Variants in SPECC1 observed in about 807,000 individuals in gnomAD.
SPECC1 encodes the protein cytospin-B.
Under a neutral mutation model 104.1 loss-of-function variants are expected in SPECC1, and 62 were observed. The observed-to-expected ratio is 0.60, with a 90% CI of 0.49 to 0.74. SPECC1 has a LOEUF of 0.74. SPECC1 is among the 30% of genes least tolerant of loss of function. The pLI is 0.00. For missense variants in SPECC1, 1,306 were observed against 1,310.5 expected (o/e 1.00, Z 0.05); for synonymous variants, 513 against 501.6 (o/e 1.02, Z -0.30).
intron 12 of SPECC1, among the ~76,000 whole-genome samples, chr17:20,289,336 C>G (rs973034437): frequency 6.6e-6 from 1 of 152,070 alleles, no homozygotes; most frequent in African/African-American, 2.4e-5. Flanking sequence ...GAGTCTTGCT[C>G]TGATGTCCAG....
At chr17:20,043,609 A>G (rs1348491693) in intron 1 of SPECC1, among the ~76,000 whole-genome samples, 1 of 152,150 alleles carries the variant, frequency 6.6e-6, no homozygotes, top group Non-Finnish European at 1.5e-5. Flanking sequence ...TCTTAGGTCC[A>G]TTTAACATGA....
rs145933122 is a variant in SPECC1 at position 20,110,546 on chromosome 17, C to T, written c.267C>T (p.Arg89=). The change falls in exon 3 of 15, where the codon CGC becomes CGT. Residue 89 remains arginine, a synonymous_variant. Coordinates refer to ENST00000395527, the MANE Select transcript of SPECC1 (RefSeq NM_001243439.2). ...AGAISELTES[R]LRSGTGAFTT... is the part of the protein sequence containing the mutation. Reference sequence around the variant, plus strand: ...CCATCTCGGAGCTCACGGAGAGCCGCCTGAGGAGCGGCACAGGTAGGAGGG... The same window carrying T: ...CCATCTCGGAGCTCACGGAGAGCCGTCTGAGGAGCGGCACAGGTAGGAGGG... The T allele has an allele frequency of 3.0e-5, 48 of 1,613,372 alleles. No homozygotes were observed. The African/African-American group carries it at 6.0e-4, about 20-fold the overall frequency.
chr17:20,114,021 T>C (rs1167299037), intron 3 of SPECC1, among the ~76,000 whole-genome samples: 1 of 152,170 alleles, frequency 6.6e-6, no homozygotes, highest in African/African-American at 2.4e-5. Flanking sequence ...TGTAATATAA[T>C]TGCTGCTAGA....
At chr17:20,173,127 G>T (rs1316459204) in intron 3 of SPECC1, among the ~76,000 whole-genome samples, 1 of 152,156 alleles carries the variant, frequency 6.6e-6, no homozygotes, top group Non-Finnish European at 1.5e-5. Flanking sequence ...CTAATTGTGG[G>T]CCAGAAAGGA....
intron 1 of SPECC1, among the ~76,000 whole-genome samples, chr17:20,071,460 A>C (rs2046551540): frequency 6.6e-6 from 1 of 152,160 alleles, no homozygotes; most frequent in Non-Finnish European, 1.5e-5. Context: ...GAGAATAATC[A>C]ATTATTCTAC....
At chr17:20,131,089 C>T (rs1449385461) in intron 3 of SPECC1, among the ~76,000 whole-genome samples, 1 of 152,182 alleles carries the variant, frequency 6.6e-6, no homozygotes, top group Non-Finnish European at 1.5e-5. Flanking sequence ...TGCAACTTTG[C>T]TAAAGTCGCT....
chr17:20,169,722 C>G (rs781374375), intron 3 of SPECC1, among the ~76,000 whole-genome samples: 14 of 152,062 alleles, frequency 9.2e-5, no homozygotes, highest in African/African-American at 3.1e-4. Flanking sequence ...AGGCTGGTCT[C>G]GAACTCCTGG....
Position 20,315,391 on chromosome 17 carries a change from C to T in SPECC1, c.*1326C>T, listed in dbSNP as rs1158882981. ...CCCAGTCCCTCAGAAGTGCTCAGTC[C>T]GGCCCGAGTGCCCATCTGGTGGCTC... On this transcript the variant is annotated 3_prime_UTR_variant, in exon 15 of 15. Coordinates refer to ENST00000395527, the MANE Select transcript of SPECC1 (RefSeq NM_001243439.2). The T allele has an allele frequency of 1.3e-5, 3 of 232,784 alleles. No homozygotes were observed. Among genetic ancestry groups the T allele is most frequent in the Non-Finnish European group, 2.5e-5 (3 of 117,820 alleles). The allele number at this position is 232,784 out of a possible 1,614,324, so 14.4% of individuals were successfully genotyped here. A position where few individuals can be genotyped will look rare whatever the true frequency, so the allele number is the denominator to read the frequency against.
intron 1 of SPECC1, among the ~76,000 whole-genome samples, chr17:20,063,709 G>C (rs1055110450): frequency 3.3e-5 from 5 of 152,174 alleles, no homozygotes; most frequent in Non-Finnish European, 5.9e-5. Context: ...AACACAGGCA[G>C]TTCAGAATCC....
chr17:20,193,875 C>G (rs2035831292), intron 3 of SPECC1, among the ~76,000 whole-genome samples: 1 of 152,178 alleles, frequency 6.6e-6, no homozygotes, highest in Non-Finnish European at 1.5e-5. Context: ...CATTATCCAT[C>G]CCTCTTGTTT....
chr17:20,169,690 A>G (rs1045716620), intron 3 of SPECC1, among the ~76,000 whole-genome samples: 2 of 152,022 alleles, frequency 1.3e-5, no homozygotes, highest in African/African-American at 4.8e-5. Context: ...TTCCCAAGAG[A>G]CAGGGGCTTG....
chr17:20,118,332 A>G (rs1213347931), intron 3 of SPECC1, among the ~76,000 whole-genome samples: 1 of 152,152 alleles, frequency 6.6e-6, no homozygotes, highest in Non-Finnish European at 1.5e-5. Flanking sequence ...ACGGTTACTG[A>G]TATTCTTGGA....
At chr17:20,253,707 C>T in intron 10 of SPECC1, 121 bp downstream of exon 10, 2 of 910,908 alleles carry the variant, frequency 2.2e-6, no homozygotes, top group Non-Finnish European at 3.4e-6. Flanking sequence ...CAAGTGATTT[C>T]AACCCCGAAT....
chr17:20,178,684 T>TG (rs2034646204), intron 3 of SPECC1, among the ~76,000 whole-genome samples: 1 of 152,138 alleles, frequency 6.6e-6, no homozygotes, highest in East Asian at 1.9e-4. Context: ...ACAAAGATAT[T>TG]GTGAGGTGAA....
chr17:20,041,650 C>T (rs1286942830), intron 1 of SPECC1, among the ~76,000 whole-genome samples: 2 of 75,638 alleles, frequency 2.6e-5, no homozygotes, highest in Non-Finnish European at 4.9e-5. Flanking sequence ...TTTTTTGGGA[C>T]GAAGTCTTGC....
intron 12 of SPECC1, among the ~76,000 whole-genome samples, chr17:20,285,503 T>C (rs903764673): frequency 1.3e-5 from 2 of 152,172 alleles, no homozygotes; most frequent in Non-Finnish European, 1.5e-5. Context: ...TCTAAGACTT[T>C]CATCAAAAAG....
rs1238191081 is a variant in SPECC1 at position 20,277,006 on chromosome 17, GGACTCCAAA to G, written c.2940+16716_2940+16724del. On this transcript the variant is annotated intron_variant, in intron 12 of 14. Coordinates refer to ENST00000395527, the MANE Select transcript of SPECC1 (RefSeq NM_001243439.2). ...TCAGGGCCGTACCTGGGAACAAGAA[GGACTCCAAA>G]GACCTGGAGCAGATCTGGAGCACTG... 3.3e-5 allele frequency among the ~76,000 whole-genome samples: 5 copies of G among 152,216 alleles called. No individual in the cohort carries two copies. In the East Asian group the frequency reaches 9.6e-4, roughly 29 times the overall value.
chr17:20,072,697 A>C (rs2046603551), intron 1 of SPECC1, among the ~76,000 whole-genome samples: 1 of 152,226 alleles, frequency 6.6e-6, no homozygotes, highest in South Asian at 2.1e-4. Flanking sequence ...TATGTCACAG[A>C]GGCTCTGCAA....
At chr17:20,022,938 C>T (rs74648067) in intron 1 of SPECC1, among the ~76,000 whole-genome samples, 13,757 of 152,254 alleles carry the variant, frequency 0.09, 758 homozygotes, top group Non-Finnish European at 0.12. Context: ...AGAATACTGA[C>T]GGACTGTGTG....
Sources: gnomAD v4.1 joint callset for allele counts (sites outside exome capture counted in the v4.1 genomes callset) on GRCh38, gnomAD v4.1.1 for gene constraint, MANE v1.5 for transcripts, NCBI Gene and HGNC (gene_info 2026-07-23, HGNC 2026-07-21) for gene names.